SLC17A1: variants seen among roughly 807,000 people sequenced by gnomAD.
The protein encoded by SLC17A1 is solute carrier family 17 member 1.
A neutral mutation model predicts 53.5 loss-of-function variants in SLC17A1; 51 were observed. The ratio of observed to expected loss-of-function variants is 0.95; its 90% CI spans 0.76 to 1.20. The LOEUF (loss-of-function observed/expected upper bound fraction) is 1.20. SLC17A1 is among the 50% of genes most tolerant of loss of function. The pLI is 0.00. For missense variants in SLC17A1, 538 were observed against 568.2 expected (o/e 0.95, Z 0.54); for synonymous variants, 179 against 198.8 (o/e 0.90, Z 0.84).
chr6:25,814,276 A>T (rs1238675861), intron 6 of SLC17A1, among the ~76,000 whole-genome samples: 2 of 152,232 alleles, frequency 1.3e-5, no homozygotes, highest in African/African-American at 4.8e-5. Flanking sequence ...AGTACTGGGG[A>T]TACAGCAGTG....
chr6:25,781,179 AG>A (rs1365056651), downstream of SLC17A1: 1 of 4,338 alleles, frequency 2.3e-4, no homozygotes, highest in Non-Finnish European at 1.2e-3. Flanking sequence ...ATTAGCAGAA[AG>A]AAAGAAAGAA....
At chr6:25,769,404 G>A in the SLC17A1 span, among the ~76,000 whole-genome samples, 2 of 151,834 alleles carry the variant, frequency 1.3e-5, no homozygotes, top group Non-Finnish European at 2.9e-5. Context: ...CTAAAAATAT[G>A]AAAATCAGCC....
At chr6:25,775,900 A>G in the SLC17A1 span, among the ~76,000 whole-genome samples, 5 of 152,312 alleles carry the variant, frequency 3.3e-5, no homozygotes, top group African/African-American at 1.2e-4. Context: ...TCTTCATATC[A>G]GTACATGAGA....
chr6:25,795,609 G>A (rs1435619831), intron 12 of SLC17A1, among the ~76,000 whole-genome samples: 2 of 152,030 alleles, frequency 1.3e-5, no homozygotes, highest in African/African-American at 2.4e-5. Context: ...CTATATAAAG[G>A]AGACGGCTCT....
At chr6:25,776,553 G>T in the SLC17A1 span, 17 of 1,553,000 alleles carry the variant, frequency 1.1e-5, no homozygotes, top group African/African-American at 1.4e-5. Context: ...CGTGGTGGGG[G>T]TGGTAAGGGC....
chr6:25,806,326 G>C (rs1471925683), intron 10 of SLC17A1, among the ~76,000 whole-genome samples: 4 of 151,972 alleles, frequency 2.6e-5, no homozygotes, highest in Non-Finnish European at 5.9e-5. Flanking sequence ...ATAAAATCCA[G>C]CATCCTTTGT....
chr6:25,799,988 G>A (rs1202866335), intron 11 of SLC17A1, among the ~76,000 whole-genome samples: 2 of 152,172 alleles, frequency 1.3e-5, no homozygotes, highest in Non-Finnish European at 2.9e-5. Flanking sequence ...TATGGGAAAT[G>A]TGGCCATGGT....
the SLC17A1 span, among the ~76,000 whole-genome samples, chr6:25,747,180 C>T: frequency 0.28 from 42,152 of 152,074 alleles, 6,231 homozygotes; most frequent in African/African-American, 0.36. Context: ...CCAGTGCATT[C>T]CTGCAGCAAC....
At chr6:25,764,135 C>T in the SLC17A1 span, among the ~76,000 whole-genome samples, 4 of 152,186 alleles carry the variant, frequency 2.6e-5, no homozygotes, top group Non-Finnish European at 5.9e-5. Flanking sequence ...CCTCACTTAT[C>T]CACCTGCAGC....
At chr6:25,726,462 C>G in the SLC17A1 span, 1 of 1,613,948 alleles carries the variant, frequency 6.2e-7, no homozygotes, top group East Asian at 2.2e-5. Context: ...ACTGCAAACC[C>G]GCTCTAGAAG....
At chr6:25,754,134 G>A in the SLC17A1 span, among the ~76,000 whole-genome samples, 2 of 151,258 alleles carry the variant, frequency 1.3e-5, no homozygotes, top group Non-Finnish European at 3.0e-5. Context: ...GCTTTGCTAA[G>A]GGCTGTCTTG....
At chr6:25,744,235 C>T in the SLC17A1 span, among the ~76,000 whole-genome samples, 2 of 152,144 alleles carry the variant, frequency 1.3e-5, no homozygotes, top group African/African-American at 4.8e-5. Context: ...TCCAAGGCTT[C>T]TGAGTACAGG....
Position 25,798,811 on chromosome 6 carries a change from T to C in SLC17A1, c.1378A>G (p.Lys460Glu). ...VATAEIQDWA[K>E]EKQHTRL ...CAGAGACGTGTGTGTTGTTTTTCTTTAGCCCAGTCCTGAATTTCTGCTGTA... is the reference window on the plus strand; with the variant it reads ...CAGAGACGTGTGTGTTGTTTTTCTTCAGCCCAGTCCTGAATTTCTGCTGTA... The change falls in exon 12 of 13, where the codon AAA (lysine) becomes GAA (glutamate). Residue 460 changes from lysine to glutamate, a missense_variant. Coordinates refer to ENST00000244527, the MANE Select transcript of SLC17A1 (RefSeq NM_005074.5). 1.9e-6 allele frequency: 3 copies of C among 1,609,628 alleles called. No individual in the cohort carries two copies. The highest frequency in any genetic ancestry group is 2.5e-6 in the Non-Finnish European group (3 of 1,177,200).
the SLC17A1 span, chr6:25,726,541 A>G: frequency 1.0e-5 from 16 of 1,599,012 alleles, no homozygotes; most frequent in South Asian, 2.2e-5. Flanking sequence ...CTCGCATCAA[A>G]TTGCAGCAAC....
chr6:25,778,555 C>T (rs913501382), downstream of SLC17A1, among the ~76,000 whole-genome samples: 1 of 152,094 alleles, frequency 6.6e-6, no homozygotes, highest in African/African-American at 2.4e-5. Context: ...AAATATTAAA[C>T]AGTAGTATGT....
chr6:25,819,196 A>T, intron 5 of SLC17A1, 42 bp from the exon 6 acceptor site: 4 of 1,379,940 alleles, frequency 2.9e-6, no homozygotes, highest in Non-Finnish European at 4.0e-6. Flanking sequence ...TAATGCAGGC[A>T]TCTGAAAGCA....
At chr6:25,749,762 T>G in the SLC17A1 span, among the ~76,000 whole-genome samples, 2 of 152,196 alleles carry the variant, frequency 1.3e-5, no homozygotes, top group East Asian at 3.9e-4. Context: ...TTGGCTGCAT[T>G]AATATCCATC....
chr6:25,729,387 A>G, the SLC17A1 span, among the ~76,000 whole-genome samples: 3 of 152,188 alleles, frequency 2.0e-5, no homozygotes, highest in East Asian at 3.8e-4. Context: ...TTGCCATCAT[A>G]CTAGTTACAG....
chr6:25,750,467 C>A, the SLC17A1 span, among the ~76,000 whole-genome samples: 1 of 152,162 alleles, frequency 6.6e-6, no homozygotes, highest in Non-Finnish European at 1.5e-5. Context: ...TATTTCTCAA[C>A]TCCCAACAGT....
Sources: gnomAD v4.1 joint callset for allele counts (sites outside exome capture counted in the v4.1 genomes callset) on GRCh38, gnomAD v4.1.1 for gene constraint, MANE v1.5 for transcripts, NCBI Gene and HGNC (gene_info 2026-07-23, HGNC 2026-07-21) for gene names.